VPS8: variants seen among roughly 807,000 people sequenced by gnomAD.
VPS8 encodes the protein vacuolar protein sorting-associated protein 8 homolog.
VPS8 carries 129 observed loss-of-function variants against 216.4 expected under a neutral mutation model. That is an observed-to-expected ratio of 0.60 (90% confidence interval 0.52 to 0.69). The LOEUF is 0.69. VPS8 is among the 30% of genes least tolerant of loss of function. The pLI is 0.00. For synonymous variants in VPS8, 571 were observed against 565.4 expected (o/e 1.01, Z -0.14); for missense variants, 1,531 against 1,683.5 (o/e 0.91, Z 1.59).
At chr3:184,898,678 A>T in intron 24 of VPS8, 24 bp downstream of exon 24, 1 of 1,504,138 alleles carries the variant, frequency 6.6e-7, no homozygotes, top group Non-Finnish European at 8.9e-7. Context: ...TAACTTGGAT[A>T]CGTAATTAAT....
At chr3:184,870,638 T>C in intron 20 of VPS8, 78 bp from the exon 21 acceptor site, 1 of 1,026,110 alleles carries the variant, frequency 9.7e-7, no homozygotes, top group Non-Finnish European at 1.4e-6. Context: ...AATTATGTAT[T>C]ATTTAGGAGA....
At chr3:185,046,478 G>A (rs181941306) in intron 46 of VPS8, among the ~76,000 whole-genome samples, 62 of 152,286 alleles carry the variant, frequency 4.1e-4, no homozygotes, top group African/African-American at 1.4e-3. Flanking sequence ...TGTGGCCTGA[G>A]GTGGCATTGC....
At chr3:184,996,527 T>A in intron 44 of VPS8, 26 bp downstream of exon 44, 1 of 1,588,214 alleles carries the variant, frequency 6.3e-7, no homozygotes, top group African/African-American at 1.3e-5. Context: ...AAATGTTACA[T>A]GTATGGTACA....
intron 29 of VPS8, among the ~76,000 whole-genome samples, chr3:184,920,612 T>C (rs1442337854): frequency 6.6e-6 from 1 of 152,210 alleles, no homozygotes; most frequent in Non-Finnish European, 1.5e-5. Flanking sequence ...TGGATGACAC[T>C]TAAGAATGAT....
intron 45 of VPS8, among the ~76,000 whole-genome samples, chr3:185,008,632 T>A (rs1174876769): frequency 2.0e-5 from 3 of 152,158 alleles, no homozygotes; most frequent in African/African-American, 7.2e-5. Context: ...ACCTGAAGGC[T>A]AAGGCGGTAC....
intron 46 of VPS8, among the ~76,000 whole-genome samples, chr3:185,042,031 T>C (rs546546907): frequency 6.6e-6 from 1 of 152,320 alleles, no homozygotes; most frequent in Non-Finnish European, 1.5e-5. Flanking sequence ...TTGGGACTTT[T>C]ATGTTTTGTT....
chr3:185,041,988 G>A (rs538918871), intron 46 of VPS8, among the ~76,000 whole-genome samples: 1 of 152,236 alleles, frequency 6.6e-6, no homozygotes, highest in Middle Eastern at 3.4e-3. Flanking sequence ...GCAGGTGCTT[G>A]GTGCAGTCTG....
chr3:184,850,104 G>C lies in VPS8; in HGVS notation c.753+82G>C, dbSNP rs561001071. ...TTAAAGTAAATTTCTCTATGTTGAT[G>C]ATCAGAGTCCAAAAAATGTATTTAA... is the stretch of plus-strand genomic sequence containing the variant. On this transcript the variant is annotated intron_variant, in intron 10 of 47. Coordinates refer to ENST00000625842, the MANE Select transcript of VPS8 (RefSeq NM_001009921.3). 20 of 1,140,308 alleles carry C rather than the reference G, an allele frequency of 1.8e-5. No homozygotes were observed. The East Asian group carries it at 3.2e-4, about 18-fold the overall frequency. 70.6% of individuals were successfully genotyped at this position (1,140,308 alleles called of 1,614,324 possible).
chr3:184,965,781 G>C (rs1231344065), intron 38 of VPS8, among the ~76,000 whole-genome samples: 1 of 152,188 alleles, frequency 6.6e-6, no homozygotes, highest in Non-Finnish European at 1.5e-5. Flanking sequence ...ACAATACTTG[G>C]GAGGCCATTG....
At position 185,031,662 on chromosome 3, in the gene VPS8, C is replaced by T. The variant is rs138378269; in HGVS notation, c.4056+7273C>T. On this transcript the variant is annotated intron_variant, in intron 46 of 47. Coordinates refer to ENST00000625842, the MANE Select transcript of VPS8 (RefSeq NM_001009921.3). Reference sequence around the variant, plus strand: ...CAGAACTGGTACCTGTGGGTAGCTACTATGTGAATGGAGATGTCAGCTTGG... The same window carrying T: ...CAGAACTGGTACCTGTGGGTAGCTATTATGTGAATGGAGATGTCAGCTTGG... Among the ~76,000 whole-genome samples the T allele has an allele frequency of 6.1e-3, 936 of 152,234 alleles. 7 individuals are homozygous for T. The highest frequency in any genetic ancestry group is 0.021 in the African/African-American group (874 of 41,530).
rs1186539253 is a variant in VPS8, at chr3:184,860,046, A to G, written c.1205A>G (p.Tyr402Cys). 1.9e-6 allele frequency: 3 copies of G among 1,612,090 alleles called. No individual in the cohort carries two copies. The highest frequency in any genetic ancestry group is 1.1e-5 in the South Asian group (1 of 90,926). The change falls in exon 15 of 48, where the codon TAT becomes TGT. Residue 402 changes from tyrosine (Y) to cysteine (C), a missense_variant. Physicochemically the swap from Tyr to Cys is radical, Grantham distance 194. Transcript: ENST00000625842. The part of the protein sequence containing the change: ...VTKQKHLHLY[Y>C]DLINFTWINS... Reference sequence around the variant, plus strand: ...AAGCAAAAGCATCTTCACCTATACTATGACCTCATCAACTTTACCGTGAGT... The same window carrying G: ...AAGCAAAAGCATCTTCACCTATACTGTGACCTCATCAACTTTACCGTGAGT...
chr3:184,889,636 C>G (rs773062101), intron 22 of VPS8, among the ~76,000 whole-genome samples: 5 of 151,994 alleles, frequency 3.3e-5, no homozygotes, highest in Non-Finnish European at 7.4e-5. Flanking sequence ...TTGTCTCTTT[C>G]CCTAATTCTA....
In VPS8 at chr3:184,824,533, T is replaced by C. The variant is rs1718301957; in HGVS notation, c.-88-12T>C. On this transcript the variant is annotated splice_polypyrimidine_tract_variant and intron_variant, in intron 1 of 47. Coordinates refer to ENST00000625842, the MANE Select transcript of VPS8 (RefSeq NM_001009921.3). ...TTTTGTTTTGTTTTTGTTTTTTTCTTTTTTTGAAAAGAGATAATCATTCAG... is the reference window on the plus strand; with the variant it reads ...TTTTGTTTTGTTTTTGTTTTTTTCTCTTTTTGAAAAGAGATAATCATTCAG... The C allele has an allele frequency of 7.6e-7, 1 of 1,321,330 alleles. No homozygotes were observed. The highest frequency in any genetic ancestry group is 1.5e-5 in the African/African-American group (1 of 67,730). The allele number at this position is 1,321,330 out of a possible 1,614,324, so 81.9% of individuals were successfully genotyped here. A position where few individuals can be genotyped will look rare whatever the true frequency, so the allele number is the denominator to read the frequency against.
At chr3:184,819,033 C>T (rs1037109558) in intron 1 of VPS8, among the ~76,000 whole-genome samples, 8 of 151,852 alleles carry the variant, frequency 5.3e-5, no homozygotes, top group African/African-American at 1.7e-4. Context: ...TTTAACTTGG[C>T]GTAATATAGG....
rs540846602 is a variant in VPS8 at position 185,032,556 on chromosome 3, G to A, written c.4056+8167G>A. Among the ~76,000 whole-genome samples the A allele has an allele frequency of 9.8e-5, 15 of 152,334 alleles. No homozygotes were observed. In the South Asian group the frequency reaches 3.1e-3, roughly 32 times the overall value. On this transcript the variant is annotated intron_variant, in intron 46 of 47. Transcript: ENST00000625842. The stretch of plus-strand genomic sequence containing the variant: ...GGAGAGATTCTGTACTCTGGGTCAG[G>A]CTGAGAATAGGTCAGAGTTCAGGGT...
chr3:184,821,806 GGTGGGGAAT>G (rs1371627600), intron 1 of VPS8, among the ~76,000 whole-genome samples: 1 of 152,090 alleles, frequency 6.6e-6, no homozygotes, highest in East Asian at 1.9e-4. Flanking sequence ...AAGCGAGCTG[GGTGGGGAAT>G]GTGGGATCTG....
At chr3:185,047,149 T>C (rs1022022092) in intron 46 of VPS8, among the ~76,000 whole-genome samples, 3 of 152,234 alleles carry the variant, frequency 2.0e-5, no homozygotes, top group East Asian at 1.9e-4. Flanking sequence ...TTTCTGTTTC[T>C]GTAGCCACAT....
At chr3:184,868,578 A>G (rs914875897) in intron 18 of VPS8, among the ~76,000 whole-genome samples, 15 of 152,356 alleles carry the variant, frequency 9.8e-5, no homozygotes, top group South Asian at 2.1e-4. Context: ...CCCAGTGGCT[A>G]CAAGGTAGTC....
At chr3:185,017,627 TC>T (rs1324640491) in intron 45 of VPS8, among the ~76,000 whole-genome samples, 3 of 152,196 alleles carry the variant, frequency 2.0e-5, no homozygotes, top group Non-Finnish European at 4.4e-5. Context: ...AACTAGACCT[TC>T]CTAAAAGTAA....
Sources: allele counts gnomAD v4.1 joint callset (sites outside exome capture counted in the v4.1 genomes callset), GRCh38; gene constraint gnomAD v4.1.1; transcripts MANE v1.5; gene names NCBI Gene and HGNC (gene_info 2026-07-23, HGNC 2026-07-21).